Variants in AGBL1 observed in about 807,000 individuals in gnomAD.
AGBL1 encodes cytosolic carboxypeptidase 4.
AGBL1 carries 130 observed loss-of-function variants against 118.9 expected under a neutral mutation model. The ratio of observed to expected loss-of-function variants is 1.09; its 90% CI spans 0.95 to 1.26. The LOEUF is 1.26. Ranked by LOEUF, AGBL1 falls within the 50% of genes most tolerant of loss-of-function variation. The probability of loss-of-function intolerance (pLI) is 0.00; values close to 1 mark genes in which losing one functional copy is unlikely to be tolerated. For missense variants in AGBL1, 1,584 were observed against 1,298.1 expected (o/e 1.22, Z -3.38); for synonymous variants, 555 against 478.9 (o/e 1.16, Z -2.08).
At chr15:86,925,546 A>T (rs1368858149) in intron 23 of AGBL1, among the ~76,000 whole-genome samples, 16 of 152,124 alleles carry the variant, frequency 1.1e-4, no homozygotes, top group African/African-American at 3.9e-4. Context: ...ATCTCAGAGA[A>T]TGTAGAGAGC....
At chr15:86,564,711 T>A (rs1047829304) in intron 21 of AGBL1, among the ~76,000 whole-genome samples, 1 of 152,238 alleles carries the variant, frequency 6.6e-6, no homozygotes, top group Non-Finnish European at 1.5e-5. Flanking sequence ...TCCTGGATAA[T>A]ATCTTGCAGA....
chr15:86,657,660 G>C (rs2085481787), intron 21 of AGBL1, among the ~76,000 whole-genome samples: 1 of 152,174 alleles, frequency 6.6e-6, no homozygotes, highest in Non-Finnish European at 1.5e-5. Flanking sequence ...GAAATGCTGT[G>C]TCCTCTATGG....
intron 18 of AGBL1, among the ~76,000 whole-genome samples, chr15:86,462,604 G>T (rs1378725526): frequency 6.6e-6 from 1 of 151,816 alleles, no homozygotes; most frequent in African/African-American, 2.4e-5. Context: ...CTCCCAACAG[G>T]CCCTGGAGTG....
chr15:86,329,167 G>A (rs2080232822), intron 17 of AGBL1, among the ~76,000 whole-genome samples: 1 of 152,050 alleles, frequency 6.6e-6, no homozygotes, highest in Non-Finnish European at 1.5e-5. Flanking sequence ...TCATTGCTGG[G>A]TGCCTACCCC....
chr15:87,008,722 C>T (rs991274457), intron 24 of AGBL1, among the ~76,000 whole-genome samples: 6 of 152,118 alleles, frequency 3.9e-5, no homozygotes, highest in Non-Finnish European at 8.8e-5. Flanking sequence ...ACAATGAAAT[C>T]CAGGCTGAAG....
chr15:86,238,161 C>G (rs550393815), intron 6 of AGBL1, among the ~76,000 whole-genome samples: 2 of 152,172 alleles, frequency 1.3e-5, no homozygotes, highest in Non-Finnish European at 1.5e-5. Flanking sequence ...TCACTTGTCT[C>G]TATGTGAAAT....
At chr15:86,655,341 T>G (rs2085445626) in intron 21 of AGBL1, among the ~76,000 whole-genome samples, 1 of 152,176 alleles carries the variant, frequency 6.6e-6, no homozygotes, top group African/African-American at 2.4e-5. Context: ...AACTAGCCAA[T>G]TGACTCCGGC....
In AGBL1 at chr15:86,964,031, C is replaced by CTGTG. The variant is rs1555466861; in HGVS notation, c.3222-23934_3222-23931dup. On this transcript the variant is annotated intron_variant, in intron 23 of 24. Transcript: ENST00000441037. ...AAACTCTCTCTCTCTCTCTCTCTCTCTGTGTGTGTGTGTGTGTGTGTGTGT... is the reference window on the plus strand; with the variant it reads ...AAACTCTCTCTCTCTCTCTCTCTCTCTGTGTGTGTGTGTGTGTGTGTGTGTGTGT... Among the ~76,000 whole-genome samples, 1,100 of 146,238 alleles carry CTGTG rather than the reference C, an allele frequency of 7.5e-3. 14 individuals carry two copies. The highest frequency in any genetic ancestry group is 0.035 in the Middle Eastern group (10 of 286).
intron 19 of AGBL1, among the ~76,000 whole-genome samples, chr15:86,534,179 A>C (rs2083390578): frequency 6.6e-6 from 1 of 152,024 alleles, no homozygotes; most frequent in Non-Finnish European, 1.5e-5. Flanking sequence ...TTTGGTAGAA[A>C]GTAGAGTCAG....
In AGBL1 at chr15:86,954,634, G is replaced by T. The variant is rs763950284; in HGVS notation, c.3222-33353G>T. Among the ~76,000 whole-genome samples, 3 of 152,016 alleles carry T rather than the reference G, an allele frequency of 2.0e-5. No homozygotes were observed. The South Asian group carries it at 6.2e-4, about 31-fold the overall frequency. On this transcript the variant is annotated intron_variant, in intron 23 of 24. Transcript: ENST00000441037. ...TGGACATAAACATGGGAACATAGAC[G>T]CTGTGGACTACTAGAAGGGGGGAAA...
intron 18 of AGBL1, among the ~76,000 whole-genome samples, chr15:86,418,896 G>T (rs140051843): frequency 1.3e-5 from 2 of 152,064 alleles, no homozygotes; most frequent in Non-Finnish European, 2.9e-5. Context: ...TGTTACATAT[G>T]GGCCCAAATC....
At chr15:86,146,828 G>A (rs544829802) in intron 3 of AGBL1, among the ~76,000 whole-genome samples, 7 of 152,168 alleles carry the variant, frequency 4.6e-5, no homozygotes, top group Non-Finnish European at 1.0e-4. Flanking sequence ...GGTTATGTAG[G>A]TTTAGTTACA....
intron 6 of AGBL1, among the ~76,000 whole-genome samples, chr15:86,240,742 A>G (rs756424420): frequency 3.3e-5 from 5 of 152,204 alleles, no homozygotes; most frequent in African/African-American, 4.8e-5. Flanking sequence ...CGGCTCTGAA[A>G]CAGTAGAGCT....
chr15:86,444,364 G>A lies in AGBL1; in HGVS notation c.2555+46818G>A, dbSNP rs537752689. ...TTCTTACTCTAGTGTTCAGGGAGAA[G>A]AAGAGCTGGGGTTAGCCCTACCTGG... On this transcript the variant is annotated intron_variant, in intron 18 of 22. Coordinates refer to ENST00000614907, the MANE Select transcript of AGBL1 (RefSeq NM_001386094.1). Among the ~76,000 whole-genome samples the A allele has an allele frequency of 6.6e-5, 10 of 152,314 alleles. No individual in the cohort carries two copies. In the South Asian group the frequency reaches 1.7e-3, roughly 25 times the overall value.
At chr15:86,848,630 T>C (rs1243260614) in intron 22 of AGBL1, among the ~76,000 whole-genome samples, 1 of 152,186 alleles carries the variant, frequency 6.6e-6, no homozygotes, top group African/African-American at 2.4e-5. Context: ...ATGGGTTACC[T>C]AAGACTATAT....
rs571171604 is a variant in AGBL1, at chr15:86,472,916, T to C, written c.2556-49894T>C. On this transcript the variant is annotated intron_variant, in intron 18 of 22. Coordinates refer to ENST00000614907, the MANE Select transcript of AGBL1 (RefSeq NM_001386094.1). ...TCTGGATGACAGAGCAAGATTTCCATCTCAAAAAACAAAAAACAGAACAAT... is the reference window on the plus strand; with the variant it reads ...TCTGGATGACAGAGCAAGATTTCCACCTCAAAAAACAAAAAACAGAACAAT... 2.0e-5 allele frequency among the ~76,000 whole-genome samples: 3 copies of C among 152,140 alleles called. No individual in the cohort carries two copies. The South Asian group carries it at 6.3e-4, about 32-fold the overall frequency.
In AGBL1 at chr15:86,400,610, C is replaced by T. The variant is rs560677339; in HGVS notation, c.2555+3064C>T. On this transcript the variant is annotated intron_variant, in intron 18 of 22. Coordinates refer to ENST00000614907, the MANE Select transcript of AGBL1 (RefSeq NM_001386094.1). Reference sequence around the variant, plus strand: ...GTGTAGTCTTTTATCCCTCACCCCCCAACTCTTCCCCCACAAGTCCCCAAA... The same window carrying T: ...GTGTAGTCTTTTATCCCTCACCCCCTAACTCTTCCCCCACAAGTCCCCAAA... Among the ~76,000 whole-genome samples, 8 of 146,524 alleles carry T rather than the reference C, an allele frequency of 5.5e-5. No individual in the cohort carries two copies. The South Asian group carries it at 1.8e-3, about 33-fold the overall frequency.
chr15:86,256,773 T>G, intron 7 of AGBL1, 80 bp from the exon 8 acceptor site: 4 of 1,437,236 alleles, frequency 2.8e-6, no homozygotes, highest in Non-Finnish European at 3.8e-6. Flanking sequence ...TGTTACAGCT[T>G]GGAGAGTGTT....
chr15:86,901,304 G>A (rs1832194785), intron 22 of AGBL1, among the ~76,000 whole-genome samples: 2 of 151,770 alleles, frequency 1.3e-5, no homozygotes, highest in Non-Finnish European at 2.9e-5. Flanking sequence ...AACATTAATT[G>A]TGTTTTCTTT....
Sources: allele counts gnomAD v4.1 joint callset (sites outside exome capture counted in the v4.1 genomes callset), GRCh38; gene constraint gnomAD v4.1.1; transcripts MANE v1.5; gene names NCBI Gene and HGNC (gene_info 2026-07-23, HGNC 2026-07-21).